The following TRAPPC11 variants were observed in gnomAD, a reference collection of about 807,000 sequenced individuals.
The protein encoded by TRAPPC11 is foie gras homolog.
TRAPPC11 carries 104 observed loss-of-function variants against 151.2 expected under a neutral mutation model. The observed-to-expected ratio is 0.69, with a 90% CI of 0.59 to 0.81. The LOEUF is 0.81. Among genes scored for constraint, TRAPPC11 ranks in the 30% least tolerant of loss-of-function variants. The pLI, the probability that TRAPPC11 is intolerant of heterozygous loss-of-function variation, is 0.00. For missense variants in TRAPPC11, 1,230 were observed against 1,349.6 expected, an observed-to-expected ratio of 0.91 and a Z score of 1.39; for synonymous variants, 456 against 472.3, an observed-to-expected ratio of 0.97 and a Z score of 0.45.
chr4:183,665,158 G>A (rs527482544), intron 2 of TRAPPC11, among the ~76,000 whole-genome samples: 54 of 143,656 alleles, frequency 3.8e-4, no homozygotes, highest in African/African-American at 1.1e-3. Flanking sequence ...GCTGTGGCGC[G>A]ATATCGGCTC....
intron 17 of TRAPPC11, among the ~76,000 whole-genome samples, chr4:183,685,678 G>C (rs879680189): frequency 6.6e-6 from 1 of 152,028 alleles, no homozygotes; most frequent in Non-Finnish European, 1.5e-5. Flanking sequence ...GTGCTTTACT[G>C]TCTAGGTAGG....
chr4:183,673,776 C>A (rs1392632506), intron 5 of TRAPPC11, among the ~76,000 whole-genome samples: 1 of 152,204 alleles, frequency 6.6e-6, no homozygotes, highest in African/African-American at 2.4e-5. Context: ...TTAAGTTCGT[C>A]TTTTATCTGG....
At chr4:183,688,688 A>T (rs952914370) in intron 18 of TRAPPC11, among the ~76,000 whole-genome samples, 1 of 152,178 alleles carries the variant, frequency 6.6e-6, no homozygotes, top group Non-Finnish European at 1.5e-5. Context: ...ACCCTTGCCC[A>T]GGGATTTCCT....
chr4:183,710,922 T>C (rs950227512), intron 29 of TRAPPC11, among the ~76,000 whole-genome samples: 1 of 151,498 alleles, frequency 6.6e-6, no homozygotes, highest in Non-Finnish European at 1.5e-5. Flanking sequence ...TCCCAGCTAC[T>C]TGGGAGGCCG....
chr4:183,686,591 A>T lies in TRAPPC11; in HGVS notation c.1763-27A>T. On this transcript the variant is annotated intron_variant, in intron 17 of 29. Coordinates refer to ENST00000334690, the MANE Select transcript of TRAPPC11 (RefSeq NM_021942.6). ...GGGTCGTGGGTATCTGGTTGTGCAT[A>T]ACACAGCCCTTTTGTTTTATTTCTA... 1.9e-6 allele frequency: 3 copies of T among 1,611,912 alleles called. No homozygotes were observed. In the South Asian group the frequency reaches 3.3e-5, roughly 18 times the overall value.
chr4:183,674,420 CAAAAA>C (rs34161415), intron 5 of TRAPPC11, among the ~76,000 whole-genome samples: 2 of 40,000 alleles, frequency 5.0e-5, no homozygotes, highest in Non-Finnish European at 1.1e-4. Context: ...GACCCTGTCT[CAAAAA>C]AAAAAAAAAA....
chr4:183,700,795 T>A (rs1184264933), intron 25 of TRAPPC11: 1 of 152,162 alleles, frequency 6.6e-6, no homozygotes, highest in Non-Finnish European at 1.5e-5. Context: ...GCATCCCTCA[T>A]CTAAAAATCT....
intron 4 of TRAPPC11, 23 bp from the exon 5 acceptor site, chr4:183,667,980 A>G: frequency 7.3e-7 from 1 of 1,362,284 alleles, no homozygotes; most frequent in African/African-American, 1.4e-5. Flanking sequence ...TTTCTCATTC[A>G]TCTTGATGGG....
chr4:183,697,600 T>G, intron 24 of TRAPPC11, 32 bp downstream of exon 24: 1 of 1,594,858 alleles, frequency 6.3e-7, no homozygotes, highest in Admixed American at 1.8e-5. Flanking sequence ...TAGAAATCAT[T>G]TAGGTTATAA....
chr4:183,708,586 C>A lies in TRAPPC11; in HGVS notation c.3357+12C>A. 1 of 1,606,720 alleles carries A rather than the reference C, an allele frequency of 6.2e-7. No individual in the cohort carries two copies. The highest frequency in any genetic ancestry group is 8.5e-7 in the Non-Finnish European group (1 of 1,177,904). On this transcript the variant is annotated intron_variant, in intron 29 of 29. Transcript: ENST00000334690. ...GTATTTTTGTCAAGGTAAAGCTTAG[C>A]AATTTTCTGCTTTTTAAATTCAAAG...
In TRAPPC11 at chr4:183,666,303, G is replaced by T. The variant is rs752936082; in HGVS notation, c.251G>T (p.Gly84Val). The T allele has an allele frequency of 4.3e-6, 7 of 1,614,176 alleles. No homozygotes were observed. Among genetic ancestry groups the T allele is most frequent in the Non-Finnish European group, 5.9e-6 (7 of 1,180,020 alleles). The stretch of plus-strand genomic sequence containing the variant: ...ATTCCTAAAGGGATCTTAAAGACTG[G>T]CTGGATGAATAAGCATCTGAATCTG... ...WYIPKGILKT[G>V]WMNKHLNLVP... The change falls in exon 3 of 30, where the codon GGC becomes GTC. Residue 84 changes from glycine (G) to valine (V), a missense_variant. Transcript: ENST00000334690.
chr4:183,666,189 T>A (rs1396358592), intron 2 of TRAPPC11, 68 bp from the exon 3 acceptor site: 1 of 1,480,622 alleles, frequency 6.8e-7, no homozygotes, highest in Non-Finnish European at 9.2e-7. Flanking sequence ...CATAAAGTGC[T>A]TGGCACTCAG....
At chr4:183,684,989 T>C (rs1244333335) in intron 15 of TRAPPC11, 95 bp from the exon 16 acceptor site, 1 of 1,321,100 alleles carries the variant, frequency 7.6e-7, no homozygotes, top group African/African-American at 1.5e-5. Flanking sequence ...CTTAAAGAGG[T>C]ATTTATTATT....
chr4:183,684,473 A>G, intron 14 of TRAPPC11, 114 bp downstream of exon 14: 3 of 1,117,278 alleles, frequency 2.7e-6, no homozygotes, highest in South Asian at 3.0e-5. Context: ...TATTGTTGTT[A>G]AACTCCATTT....
intron 1 of TRAPPC11, among the ~76,000 whole-genome samples, chr4:183,660,904 G>A (rs1335585206): frequency 2.0e-5 from 3 of 151,926 alleles, no homozygotes; most frequent in South Asian, 2.1e-4. Context: ...AGTAGAGACG[G>A]GGTTTCACCC....
At chr4:183,662,279 C>T (rs13131190) in intron 1 of TRAPPC11, among the ~76,000 whole-genome samples, 27,264 of 147,550 alleles carry the variant, frequency 0.18, 2,555 homozygotes, top group Middle Eastern at 0.25. Flanking sequence ...TCACTTGAAC[C>T]CGGGAGGTGG....
intron 26 of TRAPPC11, among the ~76,000 whole-genome samples, chr4:183,704,141 G>A (rs1190819246): frequency 6.6e-5 from 10 of 152,206 alleles, no homozygotes; most frequent in Non-Finnish European, 1.3e-4. Context: ...ACATGCAGCA[G>A]CCCTGGGTTA....
intron 5 of TRAPPC11, among the ~76,000 whole-genome samples, chr4:183,668,912 T>TGCAAAAA (rs1735013118): frequency 6.6e-6 from 1 of 152,242 alleles, no homozygotes; most frequent in African/African-American, 2.4e-5. Flanking sequence ...TGTCCTTCGT[T>TGCAAAAA]AACTCATGAA....
intron 18 of TRAPPC11, among the ~76,000 whole-genome samples, chr4:183,688,743 G>A (rs1269400282): frequency 2.0e-5 from 3 of 151,998 alleles, no homozygotes; most frequent in South Asian, 2.1e-4. Context: ...GCGTGTGTGT[G>A]TGTGTGTTTG....
Sources: gnomAD v4.1 joint callset for allele counts (sites outside exome capture counted in the v4.1 genomes callset) on GRCh38, gnomAD v4.1.1 for gene constraint, MANE v1.5 for transcripts, NCBI Gene and HGNC (gene_info 2026-07-23, HGNC 2026-07-21) for gene names.